The following ANKH variants were observed in gnomAD, a reference collection of about 807,000 sequenced individuals.
ANKH encodes the protein mineralization regulator ANKH.
A neutral mutation model predicts 49.0 loss-of-function variants in ANKH; 15 were observed. That is an observed-to-expected ratio of 0.31 (90% CI 0.20 to 0.47). The LOEUF is 0.47. Ranked by LOEUF, ANKH falls within the 20% of genes least tolerant of loss-of-function variation. The pLI is 1.00. For synonymous variants in ANKH, 273 were observed against 260.0 expected (o/e 1.05, Z -0.48); for missense variants, 429 against 652.0 (o/e 0.66, Z 3.72).
At chr5:14,724,044 G>A (rs1000218362) in intron 8 of ANKH, among the ~76,000 whole-genome samples, 2 of 152,174 alleles carry the variant, frequency 1.3e-5, no homozygotes, top group African/African-American at 4.8e-5. Context: ...TTGTCCAGGA[G>A]TGGTGGCTCA....
intron 1 of ANKH, among the ~76,000 whole-genome samples, chr5:14,815,281 T>C (rs1333527484): frequency 6.6e-6 from 1 of 152,170 alleles, no homozygotes; most frequent in Non-Finnish European, 1.5e-5. Context: ...GATTTAAAAA[T>C]TAATGCCCAC....
At chr5:14,714,892 C>T (rs1011513629) in intron 9 of ANKH, among the ~76,000 whole-genome samples, 4 of 152,230 alleles carry the variant, frequency 2.6e-5, no homozygotes, top group Non-Finnish European at 5.9e-5. Context: ...CTCCTCTGGT[C>T]ACTACTGTAG....
chr5:14,726,541 C>T (rs750544949), intron 8 of ANKH, among the ~76,000 whole-genome samples: 4 of 151,990 alleles, frequency 2.6e-5, no homozygotes, highest in Admixed American at 1.3e-4. Flanking sequence ...ATATGAAAGA[C>T]AGGAGCTGGG....
chr5:14,844,857 G>A (rs1300378341), intron 1 of ANKH, among the ~76,000 whole-genome samples: 67 of 152,068 alleles, frequency 4.4e-4, no homozygotes, highest in African/African-American at 2.4e-5. Context: ...TCATTGTCTT[G>A]GTCTCAGAGA....
At chr5:14,716,441 G>A (rs569897140) in intron 9 of ANKH, among the ~76,000 whole-genome samples, 4 of 152,212 alleles carry the variant, frequency 2.6e-5, no homozygotes, top group Admixed American at 2.0e-4. Flanking sequence ...GCAGTGAGCC[G>A]ACATTGTGCT....
intron 11 of ANKH, among the ~76,000 whole-genome samples, chr5:14,711,984 C>T (rs1028969493): frequency 6.6e-6 from 1 of 152,242 alleles, no homozygotes; most frequent in Non-Finnish European, 1.5e-5. Flanking sequence ...TCCCACCAAC[C>T]CTTCATTGTG....
intron 8 of ANKH, among the ~76,000 whole-genome samples, chr5:14,728,759 T>C (rs1228447616): frequency 8.5e-5 from 13 of 152,188 alleles, no homozygotes; most frequent in Non-Finnish European, 1.9e-4. Context: ...CAAAGTCCTG[T>C]CGGATGGCAA....
chr5:14,794,193 T>C (rs1362049537), intron 1 of ANKH, among the ~76,000 whole-genome samples: 1 of 152,248 alleles, frequency 6.6e-6, no homozygotes, highest in Non-Finnish European at 1.5e-5. Flanking sequence ...AGCCAGCCTA[T>C]TCTAGAGCAG....
intron 8 of ANKH, among the ~76,000 whole-genome samples, chr5:14,732,239 G>A (rs1353453055): frequency 6.6e-6 from 1 of 152,112 alleles, no homozygotes; most frequent in African/African-American, 2.4e-5. Flanking sequence ...GCAAGAAGAT[G>A]GGGCTCTGGT....
At chr5:14,738,943 C>T (rs1271415676) in intron 8 of ANKH, among the ~76,000 whole-genome samples, 2 of 152,166 alleles carry the variant, frequency 1.3e-5, no homozygotes, top group Non-Finnish European at 2.9e-5. Flanking sequence ...TAACTTGTTA[C>T]TGTGACCTTT....
chr5:14,868,168 A>G (rs1561091655), intron 1 of ANKH, among the ~76,000 whole-genome samples: 1 of 152,168 alleles, frequency 6.6e-6, no homozygotes, highest in South Asian at 2.1e-4. Flanking sequence ...ATTCCTTTAC[A>G]TGGTCACGTA....
intron 8 of ANKH, among the ~76,000 whole-genome samples, chr5:14,730,594 G>A (rs1474763692): frequency 6.6e-6 from 1 of 152,208 alleles, no homozygotes; most frequent in Non-Finnish European, 1.5e-5. Context: ...TTGGAAGCCA[G>A]TCTCTTGCAG....
intron 1 of ANKH, among the ~76,000 whole-genome samples, chr5:14,788,640 T>G (rs31933): frequency 2.0e-5 from 3 of 152,024 alleles, no homozygotes; most frequent in Non-Finnish European, 2.9e-5. Flanking sequence ...GTATGACAAG[T>G]AGGAGGATGA....
chr5:14,732,892 A>G (rs941493386), intron 8 of ANKH, among the ~76,000 whole-genome samples: 2 of 152,070 alleles, frequency 1.3e-5, no homozygotes, highest in African/African-American at 2.4e-5. Flanking sequence ...CTCTGCCTCC[A>G]TCCCTCTTCC....
intron 1 of ANKH, among the ~76,000 whole-genome samples, chr5:14,800,530 G>T (rs565213103): frequency 9.2e-5 from 14 of 152,226 alleles, no homozygotes; most frequent in African/African-American, 3.1e-4. Flanking sequence ...CCACCACCCT[G>T]ATCAGCCAGC....
At chr5:14,731,000 C>A (rs1266599123) in intron 8 of ANKH, among the ~76,000 whole-genome samples, 1 of 152,202 alleles carries the variant, frequency 6.6e-6, no homozygotes, top group Admixed American at 6.5e-5. Context: ...AGAAGCCCGA[C>A]GGGGCCCTCG....
intron 1 of ANKH, among the ~76,000 whole-genome samples, chr5:14,807,864 G>C (rs1740754145): frequency 6.6e-6 from 1 of 152,148 alleles, no homozygotes; most frequent in Non-Finnish European, 1.5e-5. Flanking sequence ...GGGGTTACTT[G>C]AATCCATTCA....
intron 1 of ANKH, among the ~76,000 whole-genome samples, chr5:14,855,155 AT>A (rs1742220458): frequency 6.6e-6 from 1 of 152,128 alleles, no homozygotes; most frequent in South Asian, 2.1e-4. Flanking sequence ...GAATGGGGAC[AT>A]AGTATTCTCT....
chr5:14,721,114 G>A (rs914509812), intron 8 of ANKH, among the ~76,000 whole-genome samples: 5 of 152,228 alleles, frequency 3.3e-5, no homozygotes, highest in Non-Finnish European at 5.9e-5. Context: ...TATCAGCCAA[G>A]CTGTGTAGGT....
Sources: gnomAD v4.1 joint callset for allele counts (sites outside exome capture counted in the v4.1 genomes callset) on GRCh38, gnomAD v4.1.1 for gene constraint, MANE v1.5 for transcripts, NCBI Gene and HGNC (gene_info 2026-07-23, HGNC 2026-07-21) for gene names.